The following OPCML variants were observed in gnomAD, a reference collection of about 807,000 sequenced individuals.
OPCML encodes the protein opioid-binding protein/cell adhesion molecule.
Under a neutral mutation model 37.8 loss-of-function variants are expected in OPCML, and 13 were observed. That is an observed-to-expected ratio of 0.34 (90% confidence interval 0.22 to 0.55). The LOEUF (loss-of-function observed/expected upper bound fraction) is 0.55, where lower values mean the gene tolerates loss of function less well. Among genes scored for constraint, OPCML ranks in the 20% least tolerant of loss-of-function variants. The pLI is 0.91. For synonymous variants in OPCML, 176 were observed against 168.8 expected (o/e 1.04, Z -0.33); for missense variants, 341 against 435.6 (o/e 0.78, Z 1.93).
chr11:133,498,809 G>A (rs1245965198), intron 1 of OPCML, among the ~76,000 whole-genome samples: 2 of 152,176 alleles, frequency 1.3e-5, no homozygotes, highest in Non-Finnish European at 2.9e-5. Context: ...AAACAAGGCA[G>A]GCCAGAGGAG....
At chr11:132,802,630 G>A (rs958910622) in intron 2 of OPCML, among the ~76,000 whole-genome samples, 1 of 151,804 alleles carries the variant, frequency 6.6e-6, no homozygotes, top group African/African-American at 2.4e-5. Context: ...AAAAAAATTA[G>A]AAAATACTGT....
chr11:133,443,289 T>C (rs930971068), intron 1 of OPCML, among the ~76,000 whole-genome samples: 1 of 152,218 alleles, frequency 6.6e-6, no homozygotes, highest in African/African-American at 2.4e-5. Flanking sequence ...TTTAGGAAAG[T>C]GCTAGGTTCC....
intron 1 of OPCML, among the ~76,000 whole-genome samples, chr11:133,416,189 T>TAA (rs34840974): frequency 1.3e-5 from 2 of 149,290 alleles, no homozygotes; most frequent in African/African-American, 4.9e-5. Context: ...ATCTTCAAGA[T>TAA]AAAAAAAAAA....
intron 1 of OPCML, among the ~76,000 whole-genome samples, chr11:133,516,562 C>T (rs56313485): frequency 0.1 from 15,681 of 152,136 alleles, 1,597 homozygotes; most frequent in African/African-American, 0.27. Flanking sequence ...TTTAATAATA[C>T]CTCTTTTGAA....
intron 1 of OPCML, among the ~76,000 whole-genome samples, chr11:133,355,220 A>G (rs1162938948): frequency 2.0e-5 from 3 of 152,228 alleles, no homozygotes; most frequent in African/African-American, 4.8e-5. Flanking sequence ...CATGGAATAG[A>G]TTTGGAAGCC....
At chr11:132,800,192 C>T (rs1445390186) in intron 2 of OPCML, among the ~76,000 whole-genome samples, 1 of 151,992 alleles carries the variant, frequency 6.6e-6, no homozygotes, top group Non-Finnish European at 1.5e-5. Flanking sequence ...CATGAAACTG[C>T]CTTTTAAATT....
intron 2 of OPCML, among the ~76,000 whole-genome samples, chr11:132,913,930 C>G (rs1449336502): frequency 2.0e-5 from 3 of 152,218 alleles, no homozygotes; most frequent in Non-Finnish European, 4.4e-5. Flanking sequence ...CACTAGGCAT[C>G]CTTTCGACTC....
chr11:132,504,871 A>G (rs941420118), intron 4 of OPCML, among the ~76,000 whole-genome samples: 1 of 152,240 alleles, frequency 6.6e-6, no homozygotes, highest in South Asian at 2.1e-4. Flanking sequence ...AGGCGGGGTC[A>G]CTGAGGTCCC....
intron 3 of OPCML, among the ~76,000 whole-genome samples, chr11:132,550,352 C>T (rs2096378642): frequency 6.6e-6 from 1 of 152,052 alleles, no homozygotes; most frequent in Non-Finnish European, 1.5e-5. Flanking sequence ...AGCGCCATTC[C>T]CTCGGTGCTG....
rs184460050 is a variant in OPCML at position 132,510,692 on chromosome 11, G to T, written c.505+18369C>A. 4.4e-4 allele frequency among the ~76,000 whole-genome samples: 67 copies of T among 152,182 alleles called. 1 individual carries two copies. Among genetic ancestry groups the T allele is most frequent in the Non-Finnish European group, 8.1e-4 (55 of 68,004 alleles). ...TTTTGCCTCTTGCCATGATTCTGAG[G>T]CTTCCCCAGCCATGTGGAACTGTTA... On this transcript the variant is annotated intron_variant, in intron 4 of 7. Coordinates refer to ENST00000524381, the MANE Select transcript of OPCML (RefSeq NM_001012393.5).
At chr11:132,643,823 A>C (rs1422437543) in intron 3 of OPCML, among the ~76,000 whole-genome samples, 1 of 152,200 alleles carries the variant, frequency 6.6e-6, no homozygotes, top group Non-Finnish European at 1.5e-5. Flanking sequence ...TTAGAGAGCC[A>C]TGTGCCTAGA....
intron 1 of OPCML, among the ~76,000 whole-genome samples, chr11:133,470,062 C>T (rs971238429): frequency 6.6e-6 from 1 of 152,134 alleles, no homozygotes; most frequent in Non-Finnish European, 1.5e-5. Flanking sequence ...AAAGTTGAGA[C>T]CTGATTTATT....
intron 1 of OPCML, among the ~76,000 whole-genome samples, chr11:133,274,114 C>T (rs1485291909): frequency 6.6e-6 from 1 of 152,084 alleles, no homozygotes; most frequent in Non-Finnish European, 1.5e-5. Context: ...TGCTGTCATC[C>T]CCACAGCCAA....
chr11:133,139,497 C>A (rs527509309), intron 1 of OPCML, among the ~76,000 whole-genome samples: 3 of 152,306 alleles, frequency 2.0e-5, no homozygotes, highest in Non-Finnish European at 4.4e-5. Flanking sequence ...GCCTTCAGAT[C>A]ATCTGCTGTT....
intron 3 of OPCML, among the ~76,000 whole-genome samples, chr11:132,655,079 A>G (rs557763358): frequency 4.9e-4 from 74 of 152,354 alleles, no homozygotes; most frequent in African/African-American, 1.8e-3. Flanking sequence ...TCTGTTGCTC[A>G]GCCCCCAGCC....
At chr11:133,240,709 T>A (rs1195153056) in intron 1 of OPCML, among the ~76,000 whole-genome samples, 1 of 152,212 alleles carries the variant, frequency 6.6e-6, no homozygotes, top group Non-Finnish European at 1.5e-5. Context: ...CTGCCTATAT[T>A]TTCAATCGCC....
intron 2 of OPCML, among the ~76,000 whole-genome samples, chr11:132,675,229 A>G (rs931866722): frequency 3.0e-4 from 45 of 151,038 alleles, no homozygotes; most frequent in Middle Eastern, 3.5e-3. Flanking sequence ...AAAACGTTAT[A>G]TATGTATATA....
In OPCML at chr11:133,507,007, C is replaced by T. The variant is rs114733396; in HGVS notation, c.61+25257G>A. Among the ~76,000 whole-genome samples the T allele has an allele frequency of 5.0e-3, 758 of 152,330 alleles. 12 individuals carry two copies. Among genetic ancestry groups the T allele is most frequent in the African/African-American group, 0.017 (726 of 41,570 alleles). On this transcript the variant is annotated intron_variant, in intron 1 of 7. Coordinates refer to ENST00000524381, the MANE Select transcript of OPCML (RefSeq NM_001012393.5). ...GACTGCTCTGATATATTTTTTATCC[C>T]TGCATGTGGGTCTTTCCCCCACTTC...
intron 2 of OPCML, among the ~76,000 whole-genome samples, chr11:132,767,689 C>T (rs1946499509): frequency 6.6e-6 from 1 of 152,120 alleles, no homozygotes; most frequent in African/African-American, 2.4e-5. Flanking sequence ...TGTACTTGTT[C>T]ACTTAATTAC....
Sources: gnomAD v4.1 joint callset for allele counts (sites outside exome capture counted in the v4.1 genomes callset) on GRCh38, gnomAD v4.1.1 for gene constraint, MANE v1.5 for transcripts, NCBI Gene and HGNC (gene_info 2026-07-23, HGNC 2026-07-21) for gene names.